Variants in PRKG2 observed in about 807,000 individuals in gnomAD.
The protein encoded by PRKG2 is protein kinase cGMP-dependent 2, also known as cGMP-dependent protein kinase 2.
In PRKG2, 33 loss-of-function variants were observed where a neutral mutation model predicts 97.2. The observed-to-expected ratio is 0.34, with a 90% CI of 0.26 to 0.45. The LOEUF (loss-of-function observed/expected upper bound fraction) is 0.45, where lower values mean the gene tolerates loss of function less well. Among genes scored for constraint, PRKG2 ranks in the 20% least tolerant of loss-of-function variants. PRKG2 has a pLI of 1.00. For synonymous variants in PRKG2, 330 were observed against 321.8 expected (o/e 1.03, Z -0.27); for missense variants, 638 against 900.0 (o/e 0.71, Z 3.73).
intron 2 of PRKG2, among the ~76,000 whole-genome samples, chr4:81,189,094 A>AAAAAAAAAAAAAAAAAAAAAT (rs1553930140): frequency 1.8e-5 from 2 of 110,000 alleles, no homozygotes; most frequent in Admixed American, 8.4e-5. Flanking sequence ...AAAAAAAAAG[A>AAAAAAAAAAAAAAAAAAAAAT]AGCTAGCAAT....
At position 81,089,002 on chromosome 4, in the gene PRKG2, G is replaced by C. The variant is rs1741302158; in HGVS notation, c.*706C>G. On this transcript the variant is annotated 3_prime_UTR_variant, in exon 19 of 19. Transcript: ENST00000264399. ...TTCGAAAAGTCTCTAAGGTATCACT[G>C]ATCATAAAGGAGAGAAAATATTTCT... 1 of 152,132 alleles carries C rather than the reference G, an allele frequency of 6.6e-6. No homozygotes were observed. Among genetic ancestry groups the C allele is most frequent in the South Asian group, 2.1e-4 (1 of 4,826 alleles). The allele number at this position is 152,132 out of a possible 1,614,324, so 9.4% of individuals were successfully genotyped here.
chr4:81,162,892 A>G (rs182817322), intron 6 of PRKG2, among the ~76,000 whole-genome samples: 8 of 152,246 alleles, frequency 5.3e-5, no homozygotes, highest in South Asian at 2.1e-4. Context: ...AGTCCTCATT[A>G]CCCACATGGA....
intron 6 of PRKG2, 155 bp from the exon 7 acceptor site, chr4:81,153,876 G>C (rs1748679125): frequency 1.7e-6 from 1 of 581,640 alleles, no homozygotes; most frequent in Non-Finnish European, 3.0e-6. Flanking sequence ...TCACTAGGGA[G>C]TGCCAGACAG....
At chr4:81,147,561 T>G (rs776166233) in intron 9 of PRKG2, among the ~76,000 whole-genome samples, 8 of 152,128 alleles carry the variant, frequency 5.3e-5, no homozygotes, top group Non-Finnish European at 8.8e-5. Flanking sequence ...TTTCCACACC[T>G]AAAAATTAAA....
At chr4:81,213,723 T>C (rs1357339010) in intron 1 of PRKG2, among the ~76,000 whole-genome samples, 1 of 151,814 alleles carries the variant, frequency 6.6e-6, no homozygotes, top group African/African-American at 2.4e-5. Context: ...ATAGGAAAAA[T>C]AGCCTAGAGG....
chr4:81,160,999 T>C (rs1342606636), intron 6 of PRKG2, among the ~76,000 whole-genome samples: 1 of 152,192 alleles, frequency 6.6e-6, no homozygotes, highest in Admixed American at 6.6e-5. Flanking sequence ...TAAAAAGGCA[T>C]AACTAACCAC....
At position 81,178,042 on chromosome 4, in the gene PRKG2, C is replaced by T. The variant is rs151130473; in HGVS notation, c.462-3083G>A. ...CTTAGTTCTTACTCCTAGGCTGCAG[C>T]CCTTCAGGTGTCCCATCTGAAATCC... On this transcript the variant is annotated intron_variant, in intron 2 of 18. Coordinates refer to ENST00000264399, the MANE Select transcript of PRKG2 (RefSeq NM_006259.3). Among the ~76,000 whole-genome samples the T allele has an allele frequency of 6.0e-4, 88 of 145,614 alleles. No homozygotes were observed. The East Asian group carries it at 0.016, about 27-fold the overall frequency.
chr4:81,096,202 T>C (rs1005483774), intron 17 of PRKG2, among the ~76,000 whole-genome samples: 1 of 152,172 alleles, frequency 6.6e-6, no homozygotes, highest in Admixed American at 6.6e-5. Context: ...CTCTATAGTA[T>C]GTGATACTGT....
intron 7 of PRKG2, 105 bp from the exon 8 acceptor site, chr4:81,152,159 A>T (rs1748469273): frequency 1.2e-6 from 1 of 818,250 alleles, no homozygotes; most frequent in Non-Finnish European, 2.0e-6. Flanking sequence ...AACTTGGACA[A>T]GGAAAAAGAC....
At chr4:81,167,874 A>C (rs1750124539) in intron 5 of PRKG2, among the ~76,000 whole-genome samples, 1 of 152,034 alleles carries the variant, frequency 6.6e-6, no homozygotes, top group Non-Finnish European at 1.5e-5. Flanking sequence ...GAGGAGGAAG[A>C]GGCTGGAAAG....
intron 17 of PRKG2, among the ~76,000 whole-genome samples, chr4:81,103,978 C>T (rs1323120434): frequency 6.6e-6 from 1 of 152,072 alleles, no homozygotes. Flanking sequence ...TTGCAATGAG[C>T]CAAGATCGTG....
At position 81,172,359 on chromosome 4, in the gene PRKG2, A is replaced by G. The variant is rs185848199; in HGVS notation, c.629-555T>C. Among the ~76,000 whole-genome samples, 98 of 152,238 alleles carry G rather than the reference A, an allele frequency of 6.4e-4. 2 individuals carry two copies. Among genetic ancestry groups the G allele is most frequent in the Non-Finnish European group, 1.0e-3 (69 of 68,006 alleles). ...ACAACCCGTCATAACCAGTAAGTAG[A>G]TCAGCCCTGGAATCAGACTGCCTGG... On this transcript the variant is annotated intron_variant, in intron 3 of 18. Coordinates refer to ENST00000264399, the MANE Select transcript of PRKG2 (RefSeq NM_006259.3).
chr4:81,199,063 T>A (rs1401584580), intron 2 of PRKG2, among the ~76,000 whole-genome samples: 2 of 152,136 alleles, frequency 1.3e-5, no homozygotes, highest in East Asian at 3.9e-4. Flanking sequence ...ACAATAGTAT[T>A]TATGAGAATA....
At position 81,204,578 on chromosome 4, in the gene PRKG2, A is replaced by G. The variant is rs758241417; in HGVS notation, c.461+9T>C. The G allele has an allele frequency of 3.7e-6, 6 of 1,608,142 alleles. No individual in the cohort carries two copies. The highest frequency in any genetic ancestry group is 1.1e-5 in the South Asian group (1 of 90,104). Reference sequence around the variant, plus strand: ...CCATCTGAGTTTAAAGGATGCGGAAATTTCTTACCTGGAGTCTTTTCTGAC... The same window carrying G: ...CCATCTGAGTTTAAAGGATGCGGAAGTTTCTTACCTGGAGTCTTTTCTGAC... On this transcript the variant is annotated intron_variant, in intron 2 of 18. Transcript: ENST00000264399.
chr4:81,116,786 T>C (rs1744572743), intron 14 of PRKG2, among the ~76,000 whole-genome samples: 1 of 151,468 alleles, frequency 6.6e-6, no homozygotes, highest in African/African-American at 2.4e-5. Context: ...GAGCATTTTT[T>C]TCATATGCTT....
At chr4:81,121,072 C>T (rs1240625672) in intron 14 of PRKG2, among the ~76,000 whole-genome samples, 1 of 151,736 alleles carries the variant, frequency 6.6e-6, no homozygotes, top group Non-Finnish European at 1.5e-5. Flanking sequence ...TTTTTTTCAG[C>T]CTGCTGGTGT....
At chr4:81,152,122 T>C in intron 7 of PRKG2, 68 bp from the exon 8 acceptor site, 1 of 1,207,100 alleles carries the variant, frequency 8.3e-7, no homozygotes, top group Non-Finnish European at 1.2e-6. Context: ...CACACATTCA[T>C]TCAACCAAAC....
chr4:81,204,218 T>TC (rs1340303660), intron 2 of PRKG2, among the ~76,000 whole-genome samples: 1 of 151,010 alleles, frequency 6.6e-6, no homozygotes, highest in Non-Finnish European at 1.5e-5. Context: ...AATGTGACTC[T>TC]CTTTTTTTTT....
Position 81,105,848 on chromosome 4 carries a change from T to C in PRKG2, c.2028A>G (p.Thr676=), listed in dbSNP as rs1743269945. 2 of 1,613,792 alleles carry C rather than the reference T, an allele frequency of 1.2e-6. No individual in the cohort carries two copies. Among genetic ancestry groups the C allele is most frequent in the African/African-American group, 2.7e-5 (2 of 74,920 alleles). Residue 676 remains threonine (T), a synonymous_variant, in exon 16 of 19, where the codon ACA becomes ACG. Coordinates refer to ENST00000264399, the MANE Select transcript of PRKG2 (RefSeq NM_006259.3). ...IEKMDFPRKI[T]RRPEDLIRRL... is the part of the protein sequence containing the mutation. ...TCCGAATCAAATCCTCAGGTCGTCG[T>C]GTTATCTTCCTGGGAAAATCCATTT... is the stretch of plus-strand genomic sequence containing the variant.
Sources: allele counts gnomAD v4.1 joint callset (sites outside exome capture counted in the v4.1 genomes callset), GRCh38; gene constraint gnomAD v4.1.1; transcripts MANE v1.5; gene names NCBI Gene and HGNC (gene_info 2026-07-23, HGNC 2026-07-21).